CHRM2: variants seen among roughly 807,000 people sequenced by gnomAD.
CHRM2 encodes the protein cholinergic receptor muscarinic 2, also known as muscarinic acetylcholine receptor M2.
A neutral mutation model predicts 25.0 loss-of-function variants in CHRM2; 8 were observed. The observed-to-expected ratio is 0.32, with a 90% CI of 0.19 to 0.58. CHRM2 has a LOEUF of 0.58. Among genes scored for constraint, CHRM2 ranks in the 20% least tolerant of loss-of-function variants. The pLI, the probability that CHRM2 is intolerant of heterozygous loss-of-function variation, is 0.88. For synonymous variants in CHRM2, 202 were observed against 205.7 expected (o/e 0.98, Z 0.15); for missense variants, 440 against 567.1 (o/e 0.78, Z 2.28).
chr7:136,966,201 G>C (rs1159720736), intron 2 of CHRM2, among the ~76,000 whole-genome samples: 1 of 151,018 alleles, frequency 6.6e-6, no homozygotes, highest in African/African-American at 2.4e-5. Flanking sequence ...TTTTTAATTA[G>C]TGAGTTTACT....
chr7:136,957,978 CT>C (rs1233203179), intron 2 of CHRM2, among the ~76,000 whole-genome samples: 4 of 152,166 alleles, frequency 2.6e-5, no homozygotes, highest in Non-Finnish European at 5.9e-5. Context: ...ATTTGATCAT[CT>C]GATTTTGAAA....
At chr7:137,007,882 TTC>T (rs888523788) in intron 3 of CHRM2, among the ~76,000 whole-genome samples, 9 of 152,142 alleles carry the variant, frequency 5.9e-5, no homozygotes, top group African/African-American at 2.2e-4. Flanking sequence ...CTCTCCACAA[TTC>T]TCTCTTTTTC....
intron 2 of CHRM2, among the ~76,000 whole-genome samples, chr7:136,973,812 G>A (rs1440729118): frequency 6.6e-6 from 1 of 151,974 alleles, no homozygotes; most frequent in African/African-American, 2.4e-5. Context: ...CTATTTGTTG[G>A]TCAGAATGCA....
intron 2 of CHRM2, among the ~76,000 whole-genome samples, chr7:136,883,575 T>G (rs115954033): frequency 2.1e-3 from 324 of 152,268 alleles, no homozygotes; most frequent in African/African-American, 7.4e-3. Flanking sequence ...CTACAATGAA[T>G]ACTTCTATGG....
At chr7:136,984,421 C>A (rs1016761421) in intron 2 of CHRM2, among the ~76,000 whole-genome samples, 1 of 152,024 alleles carries the variant, frequency 6.6e-6, no homozygotes, top group African/African-American at 2.4e-5. Flanking sequence ...GGCTCCCTGG[C>A]TTCAGCCCCC....
chr7:136,869,593 C>A lies in CHRM2; in HGVS notation c.-125+175C>A, dbSNP rs1795732719. 6.6e-6 allele frequency among the ~76,000 whole-genome samples: 1 copy of A among 152,164 alleles called. No homozygotes were observed. The highest frequency in any genetic ancestry group is 6.5e-5 in the Admixed American group (1 of 15,272). ...CAAACGGAAACTTTGGATCCTGGGG[C>A]TTGGAGGGTTGCGAGCAGTGATGGC... On this transcript the variant is annotated intron_variant, in intron 2 of 3. Transcript: ENST00000680005. This position sits in a 1 kb window ranked among gnomAD's most constrained non-coding sequence, Gnocchi z 4.9.
chr7:136,901,132 A>G (rs1797182550), intron 2 of CHRM2, among the ~76,000 whole-genome samples: 1 of 152,068 alleles, frequency 6.6e-6, no homozygotes. Flanking sequence ...TGTCCTGTAC[A>G]GCCCGGGGAG....
chr7:137,014,725 G>A (rs1365930300), intron 3 of CHRM2, 95 bp from the exon 4 acceptor site: 3 of 808,908 alleles, frequency 3.7e-6, no homozygotes, highest in Non-Finnish European at 6.0e-6. Context: ...GGGAGATTTG[G>A]GAGAAAATAA....
At chr7:136,954,782 T>C (rs781398403) in intron 2 of CHRM2, among the ~76,000 whole-genome samples, 1 of 152,206 alleles carries the variant, frequency 6.6e-6, no homozygotes, top group Non-Finnish European at 1.5e-5. Context: ...TAGCTGCCAG[T>C]TGGGTTCAAC....
At chr7:136,963,116 G>GATTACTTTTC (rs1801201724) in intron 2 of CHRM2, among the ~76,000 whole-genome samples, 1 of 152,012 alleles carries the variant, frequency 6.6e-6, no homozygotes, top group Non-Finnish European at 1.5e-5. Flanking sequence ...AAAAGAGAGA[G>GATTACTTTTC]AAAATTACTT....
chr7:136,899,903 C>T (rs1797105869), intron 2 of CHRM2: 2 of 152,036 alleles, frequency 1.3e-5, no homozygotes, highest in South Asian at 4.1e-4. Context: ...GTTTAAAAAG[C>T]TTGTTTCATG....
intron 2 of CHRM2, among the ~76,000 whole-genome samples, chr7:136,881,616 C>T (rs532757898): frequency 6.6e-6 from 1 of 152,058 alleles, no homozygotes; most frequent in South Asian, 2.1e-4. Flanking sequence ...CCACCATATC[C>T]TCATTTCAGT....
At chr7:136,999,232 G>A (rs1008610959) in intron 3 of CHRM2, among the ~76,000 whole-genome samples, 4 of 152,054 alleles carry the variant, frequency 2.6e-5, no homozygotes, top group Non-Finnish European at 5.9e-5. Flanking sequence ...ATCGGGGAGG[G>A]GAAAGAGAGC....
chr7:136,988,081 T>G (rs1285906289), intron 2 of CHRM2, among the ~76,000 whole-genome samples: 1 of 150,484 alleles, frequency 6.6e-6, no homozygotes, highest in Non-Finnish European at 1.5e-5. Context: ...ATATAAAAAT[T>G]TATGTATGTA....
rs180766703 is a variant in CHRM2 at position 136,958,981 on chromosome 7, T to G, written c.-124-33206T>G. ...ATGGTCTCTCTGAGGCCCACCAGTT[T>G]GTCTCTTCCTTAGCTTTTAGAGATG... On this transcript the variant is annotated intron_variant, in intron 2 of 3. Coordinates refer to ENST00000680005, the MANE Select transcript of CHRM2 (RefSeq NM_001006630.2). Among the ~76,000 whole-genome samples the G allele has an allele frequency of 1.2e-3, 180 of 152,290 alleles. 1 individual carries two copies. The highest frequency in any genetic ancestry group is 5.3e-4 in the Non-Finnish European group (36 of 68,028).
At chr7:136,932,607 T>C (rs1180832669) in intron 2 of CHRM2, among the ~76,000 whole-genome samples, 1 of 152,212 alleles carries the variant, frequency 6.6e-6, no homozygotes, top group Non-Finnish European at 1.5e-5. Context: ...CCTTACATTA[T>C]ACATTAAAAC....
At chr7:136,964,060 A>G (rs1479762381) in intron 2 of CHRM2, among the ~76,000 whole-genome samples, 1 of 152,016 alleles carries the variant, frequency 6.6e-6, no homozygotes, top group African/African-American at 2.4e-5. Context: ...AAGTTTGTCT[A>G]TTTGCTGCCG....
chr7:136,994,851 T>C (rs563334753), intron 3 of CHRM2, among the ~76,000 whole-genome samples: 2 of 152,174 alleles, frequency 1.3e-5, no homozygotes, highest in South Asian at 4.1e-4. Flanking sequence ...CTTAGTTTAA[T>C]AGGGAAGAGG....
At chr7:137,002,220 A>G (rs1352399650) in intron 3 of CHRM2, among the ~76,000 whole-genome samples, 2 of 152,180 alleles carry the variant, frequency 1.3e-5, no homozygotes, top group Non-Finnish European at 2.9e-5. Flanking sequence ...AAATTTTTTA[A>G]AAAGTTGTTT....
Sources: gnomAD v4.1 joint callset for allele counts (sites outside exome capture counted in the v4.1 genomes callset) on GRCh38, gnomAD v4.1.1 for gene constraint, Gnocchi (gnomAD v3.1) non-coding constraint, MANE v1.5 for transcripts, NCBI Gene and HGNC (gene_info 2026-07-23, HGNC 2026-07-21) for gene names.